Variants in IFT80 observed in about 807,000 individuals in gnomAD.
The protein encoded by IFT80 is intraflagellar transport 80.
Under a neutral mutation model 107.9 loss-of-function variants are expected in IFT80, and 79 were observed. The observed-to-expected ratio is 0.73, with a 90% CI of 0.61 to 0.88. The LOEUF is 0.88. IFT80 is among the 40% of genes least tolerant of loss of function. The pLI, the probability that IFT80 is intolerant of heterozygous loss-of-function variation, is 0.00. For missense variants in IFT80, 797 were observed against 914.2 expected (o/e 0.87, Z 1.65); for synonymous variants, 299 against 300.9 (o/e 0.99, Z 0.07).
intron 13 of IFT80, among the ~76,000 whole-genome samples, chr3:160,282,957 G>A (rs2108235500): frequency 6.6e-6 from 1 of 152,002 alleles, no homozygotes; most frequent in African/African-American, 2.4e-5. Context: ...TCATATGAGA[G>A]GTCTATTTTG....
intron 9 of IFT80, among the ~76,000 whole-genome samples, chr3:160,312,377 G>T (rs1410034421): frequency 2.0e-5 from 3 of 150,658 alleles, no homozygotes; most frequent in African/African-American, 7.3e-5. Context: ...ATTTCAAACA[G>T]ACACTTGGAT....
chr3:160,301,373 A>T (rs1045286375), intron 11 of IFT80, among the ~76,000 whole-genome samples: 3 of 151,982 alleles, frequency 2.0e-5, no homozygotes, highest in African/African-American at 7.2e-5. Context: ...ATACAAAGGC[A>T]ATCAAAAAAT....
chr3:160,291,075 A>G (rs1391961695), intron 12 of IFT80, among the ~76,000 whole-genome samples: 1 of 152,224 alleles, frequency 6.6e-6, no homozygotes, highest in African/African-American at 2.4e-5. Context: ...CAGTATATGA[A>G]CTAGTATGGA....
Position 160,285,810 on chromosome 3 carries a change from AG to A in IFT80, c.1373del (p.Ser458PhefsTer36). On this transcript the variant is annotated frameshift_variant, in exon 13 of 20. Coordinates refer to ENST00000326448, the MANE Select transcript of IFT80 (RefSeq NM_020800.3). LOFTEE classifies it high-confidence loss of function. ...GKPLGDGKFL[S>X]HKNEILEIAL... ...AGTAGTTAATGTCCATTACCTTATG[AG>A]AAAGAAACTTTCCATCACCTAACGG... is the stretch of plus-strand genomic sequence containing the variant. 1 of 1,605,104 alleles carries A rather than the reference AG, an allele frequency of 6.2e-7. No individual in the cohort carries two copies. Among genetic ancestry groups the A allele is most frequent in the Non-Finnish European group, 8.5e-7 (1 of 1,172,334 alleles).
At chr3:160,392,501 C>G (rs1489517562) in intron 1 of IFT80, among the ~76,000 whole-genome samples, 1 of 152,226 alleles carries the variant, frequency 6.6e-6, no homozygotes, top group Non-Finnish European at 1.5e-5. Context: ...CTACCACATT[C>G]TTACCCATCT....
chr3:160,345,074 G>C (rs1425655555), intron 8 of IFT80, among the ~76,000 whole-genome samples: 1 of 152,076 alleles, frequency 6.6e-6, no homozygotes, highest in Non-Finnish European at 1.5e-5. Context: ...ATATGACCAA[G>C]CAATCCCACT....
chr3:160,277,511 A>G lies in IFT80; in HGVS notation c.1927-33T>C, dbSNP rs79006080. 6.0e-4 allele frequency: 943 copies of G among 1,571,692 alleles called. 2 individuals are homozygous for G. In the African/African-American group the frequency reaches 0.011, roughly 18 times the overall value. ...AGAAAAGAAAAATATTGAAGTAGATAGTAACAGAAATATAATAAATTACGC... is the reference window on the plus strand; with the variant it reads ...AGAAAAGAAAAATATTGAAGTAGATGGTAACAGAAATATAATAAATTACGC... On this transcript the variant is annotated intron_variant, in intron 17 of 19. Transcript: ENST00000326448.
At chr3:160,390,105 T>C (rs1009042263) in intron 1 of IFT80, among the ~76,000 whole-genome samples, 1 of 152,068 alleles carries the variant, frequency 6.6e-6, no homozygotes, top group Non-Finnish European at 1.5e-5. Flanking sequence ...TAGCTTCTAC[T>C]TGAGAGATCT....
chr3:160,295,792 T>C (rs538425347), intron 12 of IFT80, among the ~76,000 whole-genome samples: 1 of 152,298 alleles, frequency 6.6e-6, no homozygotes, highest in African/African-American at 2.4e-5. Flanking sequence ...GTGGTGTATA[T>C]GTACAATGGA....
In IFT80 at chr3:160,257,512, G is replaced by A. The variant is rs1712459010; in HGVS notation, c.*1013C>T. On this transcript the variant is annotated 3_prime_UTR_variant, in exon 20 of 20. Coordinates refer to ENST00000326448, the MANE Select transcript of IFT80 (RefSeq NM_020800.3). ...GAAATTTTCACAAATTCAGACTTCA[G>A]GGCCTATTGACTGATCATTCTCAAG... The A allele has an allele frequency of 6.6e-6, 1 of 152,100 alleles. No homozygotes were observed. Among genetic ancestry groups the A allele is most frequent in the Admixed American group, 6.6e-5 (1 of 15,262 alleles). 9.4% of individuals were successfully genotyped at this position (152,100 alleles called of 1,614,324 possible). A position where few individuals can be genotyped will look rare whatever the true frequency, so the allele number is the denominator to read the frequency against.
At chr3:160,393,376 G>A (rs1449939922) in intron 1 of IFT80, among the ~76,000 whole-genome samples, 1 of 152,154 alleles carries the variant, frequency 6.6e-6, no homozygotes, top group Admixed American at 6.5e-5. Context: ...ATAATTAAGA[G>A]TTAGACCTAA....
chr3:160,326,000 C>T (rs1057095120), intron 8 of IFT80, among the ~76,000 whole-genome samples: 1 of 151,902 alleles, frequency 6.6e-6, no homozygotes, highest in Non-Finnish European at 1.5e-5. Flanking sequence ...AAATTTACAA[C>T]TTAAAAATTA....
At chr3:160,377,096 G>A (rs996419716) in intron 4 of IFT80, among the ~76,000 whole-genome samples, 3 of 152,270 alleles carry the variant, frequency 2.0e-5, no homozygotes, top group Admixed American at 6.5e-5. Flanking sequence ...ATTAGAGTAG[G>A]GCAGGGGATT....
At chr3:160,290,764 T>C (rs2108250443) in intron 12 of IFT80, among the ~76,000 whole-genome samples, 1 of 152,254 alleles carries the variant, frequency 6.6e-6, no homozygotes, top group African/African-American at 2.4e-5. Flanking sequence ...GGTTTCGCCA[T>C]GTTGGCCAGG....
At chr3:160,274,581 T>G (rs1714086255) in intron 18 of IFT80, 1 of 152,208 alleles carries the variant, frequency 6.6e-6, no homozygotes, top group Non-Finnish European at 1.5e-5. Flanking sequence ...ATATAATCTG[T>G]AAGAGGAAAG....
intron 2 of IFT80, chr3:160,383,942 G>C (rs1434806915): frequency 1.0e-6 from 1 of 985,308 alleles, no homozygotes; most frequent in Non-Finnish European, 1.2e-6. Context: ...AAACAGTTTG[G>C]TTTAAAAAAT....
intron 2 of IFT80, chr3:160,383,642 T>C (rs903592539): frequency 1.0e-6 from 1 of 982,036 alleles, no homozygotes; most frequent in Non-Finnish European, 1.2e-6. Flanking sequence ...TTACCTATTC[T>C]TTCACAGACC....
rs530863180 is a variant in IFT80 at position 160,365,038 on chromosome 3, ATAAAC to A, written c.549+1000_549+1004del. Among the ~76,000 whole-genome samples, 18 of 152,026 alleles carry A rather than the reference ATAAAC, an allele frequency of 1.2e-4. No homozygotes were observed. The South Asian group carries it at 3.5e-3, about 30-fold the overall frequency. ...GAAAAAAAAACAAATTCACATAACT[ATAAAC>A]TAAAGGTATAAACTAAAAGATTCAA... On this transcript the variant is annotated intron_variant, in intron 6 of 19. Coordinates refer to ENST00000326448, the MANE Select transcript of IFT80 (RefSeq NM_020800.3).
intron 1 of IFT80, among the ~76,000 whole-genome samples, chr3:160,386,090 T>C (rs1712909424): frequency 6.6e-6 from 1 of 152,174 alleles, no homozygotes; most frequent in African/African-American, 2.4e-5. Flanking sequence ...CCTCTATAAA[T>C]AGTAGAAGCA....
Sources: gnomAD v4.1 joint callset for allele counts (sites outside exome capture counted in the v4.1 genomes callset) on GRCh38, gnomAD v4.1.1 for gene constraint, MANE v1.5 for transcripts, NCBI Gene and HGNC (gene_info 2026-07-23, HGNC 2026-07-21) for gene names.